AFF3: variants seen among roughly 807,000 people sequenced by gnomAD.
AFF3 encodes AF4/FMR2 family member 3.
In AFF3, 32 loss-of-function variants were observed where a neutral mutation model predicts 129.7. The ratio of observed to expected loss-of-function variants is 0.25; its 90% confidence interval spans 0.19 to 0.33. The LOEUF is 0.33. Ranked by LOEUF, AFF3 falls within the 10% of genes least tolerant of loss-of-function variation. AFF3 has a pLI of 1.00. For synonymous variants in AFF3, 644 were observed against 635.4 expected, an observed-to-expected ratio of 1.01 and a Z score of -0.20; for missense variants, 1,373 against 1,592.0, an observed-to-expected ratio of 0.86 and a Z score of 2.34.
At chr2:100,106,572 G>T (rs905137237) in intron 2 of AFF3, 1 of 993,452 alleles carries the variant, frequency 1.0e-6, no homozygotes, top group Non-Finnish European at 1.2e-6. Context: ...GTGGAGGGTG[G>T]AGGAGGGAGC....
At chr2:100,008,966 C>A in intron 4 of AFF3, 34 bp from the exon 5 acceptor site, 1 of 1,609,732 alleles carries the variant, frequency 6.2e-7, no homozygotes, top group Non-Finnish European at 8.5e-7. Flanking sequence ...AACAACCACA[C>A]ACACAAATTA....
intron 12 of AFF3, among the ~76,000 whole-genome samples, chr2:99,666,852 T>C (rs937510182): frequency 1.3e-5 from 2 of 152,076 alleles, no homozygotes; most frequent in South Asian, 2.1e-4. Context: ...TAAGAAAATA[T>C]AGCAATCCTA....
intron 18 of AFF3, among the ~76,000 whole-genome samples, chr2:99,570,879 G>T (rs979766090): frequency 6.6e-6 from 1 of 152,158 alleles, no homozygotes; most frequent in South Asian, 2.1e-4. Context: ...TCTAGGAGCC[G>T]AATGTTGCCT....
intron 21 of AFF3, 72 bp downstream of exon 21, chr2:99,560,293 T>C: frequency 6.6e-7 from 1 of 1,513,326 alleles, no homozygotes; most frequent in Non-Finnish European, 9.2e-7. Flanking sequence ...ACACTATGCC[T>C]TTCAGCACCT....
intron 8 of AFF3, among the ~76,000 whole-genome samples, chr2:99,817,049 C>A (rs940242167): frequency 2.6e-5 from 4 of 152,146 alleles, no homozygotes; most frequent in Non-Finnish European, 4.4e-5. Flanking sequence ...CCTCAGGCTG[C>A]AGTTCTGTAT....
intron 3 of AFF3, chr2:100,105,291 G>C: frequency 1.7e-6 from 2 of 1,182,552 alleles, no homozygotes; most frequent in Non-Finnish European, 2.1e-6. Context: ...GCCCAGGCGC[G>C]GGGAGAGTGA....
intron 4 of AFF3, among the ~76,000 whole-genome samples, chr2:100,101,350 G>A (rs576308976): frequency 6.6e-6 from 1 of 150,942 alleles, no homozygotes; most frequent in South Asian, 2.1e-4. Flanking sequence ...ATTCCAATTT[G>A]TTCAATTGGA....
At chr2:99,690,424 G>T (rs983871815) in intron 11 of AFF3, among the ~76,000 whole-genome samples, 1 of 151,646 alleles carries the variant, frequency 6.6e-6, no homozygotes, top group Admixed American at 6.6e-5. Context: ...CTCGTGATCC[G>T]CCCGCCTCGG....
At chr2:99,916,988 T>C (rs1447904215) in intron 7 of AFF3, among the ~76,000 whole-genome samples, 10 of 152,178 alleles carry the variant, frequency 6.6e-5, no homozygotes, top group Non-Finnish European at 1.5e-5. Context: ...ATCTCTGCTC[T>C]TGTTCATACT....
At chr2:100,080,012 G>A (rs1688920465) in intron 4 of AFF3, among the ~76,000 whole-genome samples, 1 of 152,148 alleles carries the variant, frequency 6.6e-6, no homozygotes, top group Non-Finnish European at 1.5e-5. Context: ...TCATCACACA[G>A]CAGCACTCCA....
At chr2:99,814,468 T>C (rs1225703735) in intron 8 of AFF3, among the ~76,000 whole-genome samples, 2 of 152,180 alleles carry the variant, frequency 1.3e-5, no homozygotes, top group African/African-American at 4.8e-5. Flanking sequence ...GGGCAGGTCC[T>C]GGGGAAGATT....
intron 12 of AFF3, among the ~76,000 whole-genome samples, chr2:99,666,040 T>C (rs1020454453): frequency 6.6e-6 from 1 of 152,060 alleles, no homozygotes; most frequent in Non-Finnish European, 1.5e-5. Flanking sequence ...TCTGAGGAAA[T>C]GGATGAACTT....
chr2:99,585,739 T>G lies in AFF3; in HGVS notation c.2591+1415A>C, dbSNP rs539393646. On this transcript the variant is annotated intron_variant, in intron 16 of 24. Transcript: ENST00000672756. ...AGCTATTTTCTTTTTTTCTTTTTCT[T>G]TTCTTTTTTGAGATGGAACCTCTCT... 2.5e-4 allele frequency among the ~76,000 whole-genome samples: 38 copies of G among 152,314 alleles called. 1 individual carries two copies. In the East Asian group the frequency reaches 6.9e-3, roughly 28 times the overall value.
intron 11 of AFF3, among the ~76,000 whole-genome samples, chr2:99,689,967 G>A (rs1392950567): frequency 6.7e-6 from 1 of 150,192 alleles, no homozygotes; most frequent in Non-Finnish European, 1.5e-5. Flanking sequence ...TGTGCCTGTA[G>A]TCCCAGCTAC....
intron 8 of AFF3, among the ~76,000 whole-genome samples, chr2:99,777,232 T>C (rs1683975936): frequency 6.6e-6 from 1 of 152,100 alleles, no homozygotes; most frequent in Admixed American, 6.5e-5. Flanking sequence ...GGTCCTCTCA[T>C]TTACCTGATT....
chr2:99,606,739 C>G (rs1366788373), intron 13 of AFF3, among the ~76,000 whole-genome samples: 2 of 151,570 alleles, frequency 1.3e-5, no homozygotes, highest in Non-Finnish European at 2.9e-5. Flanking sequence ...ATGGTGAAAC[C>G]CCGTCTCTAC....
At chr2:99,600,170 T>C (rs561949169) in intron 14 of AFF3, among the ~76,000 whole-genome samples, 38 of 152,252 alleles carry the variant, frequency 2.5e-4, no homozygotes, top group African/African-American at 9.1e-4. Context: ...TAGATACAGA[T>C]GGACAGATGG....
At chr2:99,907,482 G>A (rs1178201098) in intron 7 of AFF3, among the ~76,000 whole-genome samples, 1 of 151,510 alleles carries the variant, frequency 6.6e-6, no homozygotes, top group Non-Finnish European at 1.5e-5. Flanking sequence ...ATGCTTCACT[G>A]TGAATCATGC....
At chr2:100,139,891 C>A (rs1041459136) in intron 1 of AFF3, among the ~76,000 whole-genome samples, 2 of 152,102 alleles carry the variant, frequency 1.3e-5, no homozygotes, top group African/African-American at 2.4e-5. Context: ...TTGTGATATT[C>A]AAAAACCGGA....
Sources: allele counts gnomAD v4.1 joint callset (sites outside exome capture counted in the v4.1 genomes callset), GRCh38; gene constraint gnomAD v4.1.1; transcripts MANE v1.5; gene names NCBI Gene and HGNC (gene_info 2026-07-23, HGNC 2026-07-21).